Variants in PCSK5 observed in about 807,000 individuals in gnomAD.
PCSK5 encodes the protein prohormone convertase 5.
In PCSK5, 129 loss-of-function variants were observed where a neutral mutation model predicts 233.2. The ratio of observed to expected loss-of-function variants is 0.55; its 90% CI spans 0.48 to 0.64. The LOEUF (loss-of-function observed/expected upper bound fraction) is 0.64. Ranked by LOEUF, PCSK5 falls within the 30% of genes least tolerant of loss-of-function variation. The pLI, the probability that PCSK5 is intolerant of heterozygous loss-of-function variation, is 0.00. For missense variants in PCSK5, 2,076 were observed against 2,430.1 expected, an observed-to-expected ratio of 0.85 and a Z score of 3.06; for synonymous variants, 825 against 879.2, an observed-to-expected ratio of 0.94 and a Z score of 1.09.
At chr9:76,229,994 C>T (rs1826025201) in intron 21 of PCSK5, among the ~76,000 whole-genome samples, 1 of 152,140 alleles carries the variant, frequency 6.6e-6, no homozygotes, top group Admixed American at 6.5e-5. Flanking sequence ...ACTGGTGGTC[C>T]CAGAGATGCC....
intron 24 of PCSK5, among the ~76,000 whole-genome samples, chr9:76,270,069 T>C (rs1208706169): frequency 1.3e-5 from 2 of 151,596 alleles, no homozygotes; most frequent in African/African-American, 4.9e-5. Context: ...ACACAGGATG[T>C]CTCTTAGATT....
At chr9:76,327,641 A>G (rs903402358) in intron 32 of PCSK5, among the ~76,000 whole-genome samples, 4 of 152,188 alleles carry the variant, frequency 2.6e-5, no homozygotes, top group Admixed American at 1.3e-4. Flanking sequence ...GTGGAGGACC[A>G]TAACAGTAGG....
At chr9:75,966,146 G>C (rs902483639) in intron 2 of PCSK5, among the ~76,000 whole-genome samples, 6 of 152,130 alleles carry the variant, frequency 3.9e-5, no homozygotes, top group African/African-American at 1.4e-4. Flanking sequence ...ATCACTCTGA[G>C]GTTAACACTT....
chr9:75,906,650 A>G (rs776977414), intron 1 of PCSK5, among the ~76,000 whole-genome samples: 22 of 152,194 alleles, frequency 1.4e-4, no homozygotes, highest in Non-Finnish European at 2.5e-4. Context: ...GTAAATGGAG[A>G]CTAACAAGGA....
intron 24 of PCSK5, among the ~76,000 whole-genome samples, chr9:76,249,740 C>A (rs757296553): frequency 6.6e-6 from 1 of 152,034 alleles, no homozygotes; most frequent in Non-Finnish European, 1.5e-5. Context: ...CATTTGACTG[C>A]AGAAAGTAAG....
chr9:76,189,033 C>T, intron 18 of PCSK5, 61 bp from the exon 19 acceptor site: 1 of 1,506,220 alleles, frequency 6.6e-7, no homozygotes, highest in Non-Finnish European at 9.1e-7. Context: ...AAGAAGAAGC[C>T]CATGACACCA....
intron 17 of PCSK5, among the ~76,000 whole-genome samples, chr9:76,186,265 A>G (rs1213818497): frequency 6.6e-6 from 1 of 152,196 alleles, no homozygotes; most frequent in African/African-American, 2.4e-5. Flanking sequence ...GAAATATTTG[A>G]TCTTTATTTA....
At chr9:76,351,442 A>AG (rs1830121821) in intron 36 of PCSK5, among the ~76,000 whole-genome samples, 1 of 30,380 alleles carries the variant, frequency 3.3e-5, no homozygotes, top group South Asian at 3.1e-3. Flanking sequence ...GCAATGTGAA[A>AG]GAAAGGAAAG....
At chr9:75,941,454 A>C (rs1322943385) in intron 2 of PCSK5, among the ~76,000 whole-genome samples, 1 of 152,050 alleles carries the variant, frequency 6.6e-6, no homozygotes. Flanking sequence ...AATGGTTACC[A>C]AATATCCTGA....
intron 1 of PCSK5, among the ~76,000 whole-genome samples, chr9:75,923,344 T>A (rs1008947988): frequency 2.0e-5 from 3 of 152,196 alleles, no homozygotes; most frequent in African/African-American, 7.2e-5. Flanking sequence ...AGTAGTCATG[T>A]CAATTACACA....
rs1218676527 is a variant in PCSK5 at position 75,982,164 on chromosome 9, T to C, written c.298-3968T>C. 2.0e-5 allele frequency among the ~76,000 whole-genome samples: 3 copies of C among 152,200 alleles called. No individual in the cohort carries two copies. In the East Asian group the frequency reaches 5.8e-4, roughly 29 times the overall value. On this transcript the variant is annotated intron_variant, in intron 2 of 37. Transcript: ENST00000674117. ...TGTCAGTACATTAAGACCATTTCAT[T>C]CTCTTTTATGGTTGTATTGTACTTT...
intron 35 of PCSK5, among the ~76,000 whole-genome samples, chr9:76,340,639 C>CAAAAAAAAA (rs57319222): frequency 1.0e-5 from 1 of 95,388 alleles, no homozygotes; most frequent in Non-Finnish European, 2.0e-5. Flanking sequence ...ACGAGACTGT[C>CAAAAAAAAA]AAAAAAAAAA....
chr9:76,158,910 C>G (rs1280123597), intron 11 of PCSK5, 73 bp from the exon 12 acceptor site: 14 of 1,234,118 alleles, frequency 1.1e-5, no homozygotes, highest in Non-Finnish European at 1.6e-5. Context: ...TGTATTTATT[C>G]CATGCCTCCA....
intron 3 of PCSK5, among the ~76,000 whole-genome samples, chr9:75,991,634 A>G (rs913579428): frequency 6.6e-6 from 1 of 152,186 alleles, no homozygotes; most frequent in Non-Finnish European, 1.5e-5. Flanking sequence ...AAGCTGCTCC[A>G]GAGACAGAGG....
chr9:76,230,516 C>T (rs1435102332), intron 21 of PCSK5, among the ~76,000 whole-genome samples: 1 of 152,212 alleles, frequency 6.6e-6, no homozygotes, highest in East Asian at 1.9e-4. Context: ...TCTGTCATCT[C>T]ATCTTGGACA....
chr9:76,056,432 A>C (rs1247222913), intron 5 of PCSK5, among the ~76,000 whole-genome samples: 1 of 152,188 alleles, frequency 6.6e-6, no homozygotes, highest in African/African-American at 2.4e-5. Flanking sequence ...TGAAGGCAAC[A>C]TCTCCCCACT....
intron 9 of PCSK5, among the ~76,000 whole-genome samples, chr9:76,111,070 A>G (rs892883614): frequency 6.6e-6 from 1 of 152,160 alleles, no homozygotes; most frequent in African/African-American, 2.4e-5. Flanking sequence ...TCATGCTGCT[A>G]TACCCCAGAC....
At chr9:76,121,488 C>T (rs930476659) in intron 9 of PCSK5, among the ~76,000 whole-genome samples, 11 of 152,040 alleles carry the variant, frequency 7.2e-5, no homozygotes, top group Non-Finnish European at 1.0e-4. Context: ...AGTTGTGTAC[C>T]TACAGCAGAT....
intron 8 of PCSK5, among the ~76,000 whole-genome samples, chr9:76,106,163 T>C (rs928119254): frequency 1.3e-5 from 2 of 152,222 alleles, no homozygotes; most frequent in African/African-American, 4.8e-5. Context: ...TTTTCCTATC[T>C]GTAATATATG....
Sources: allele counts gnomAD v4.1 joint callset (sites outside exome capture counted in the v4.1 genomes callset), GRCh38; gene constraint gnomAD v4.1.1; transcripts MANE v1.5; gene names NCBI Gene and HGNC (gene_info 2026-07-23, HGNC 2026-07-21).